The following FRA10AC1 variants were observed in gnomAD, a reference collection of about 807,000 sequenced individuals.
FRA10AC1 encodes the protein protein FRA10AC1.
Under a neutral mutation model 56.5 loss-of-function variants are expected in FRA10AC1, and 43 were observed. The observed-to-expected ratio is 0.76, with a 90% CI of 0.60 to 0.98. The LOEUF (loss-of-function observed/expected upper bound fraction) is 0.98. Among genes scored for constraint, FRA10AC1 ranks in the 50% least tolerant of loss-of-function variants. FRA10AC1 has a pLI of 0.00. For missense variants in FRA10AC1, 346 were observed against 351.8 expected (o/e 0.98, Z 0.13); for synonymous variants, 112 against 110.5 (o/e 1.01, Z -0.09).
At position 93,689,359 on chromosome 10, in the gene FRA10AC1, C is replaced by T. The variant is rs141169045; in HGVS notation, c.466-1910G>A. On this transcript the variant is annotated intron_variant, in intron 7 of 13. Coordinates refer to ENST00000359204, the MANE Select transcript of FRA10AC1 (RefSeq NM_145246.5). ...AAGGCTCAAAATATTTCAAAATACT[C>T]TGATTAAAACCCAACAAAAATAAAA... is the stretch of plus-strand genomic sequence containing the variant. Among the ~76,000 whole-genome samples, 150 of 152,138 alleles carry T rather than the reference C, an allele frequency of 9.9e-4. 1 individual carries two copies. Among genetic ancestry groups the T allele is most frequent in the African/African-American group, 3.4e-3 (143 of 41,524 alleles).
intron 12 of FRA10AC1, among the ~76,000 whole-genome samples, chr10:93,675,911 G>A (rs900462651): frequency 9.9e-5 from 15 of 152,112 alleles, no homozygotes; most frequent in African/African-American, 3.6e-4. Context: ...TGACACAAAT[G>A]GATGTACCCT....
At chr10:93,675,820 T>C (rs1190246225) in intron 12 of FRA10AC1, 1 of 161,666 alleles carries the variant, frequency 6.2e-6, no homozygotes, top group Non-Finnish European at 1.4e-5. Context: ...CTACACCTTA[T>C]TATTAGGCCT....
At chr10:93,689,253 C>T (rs1053908425) in intron 7 of FRA10AC1, among the ~76,000 whole-genome samples, 7 of 151,762 alleles carry the variant, frequency 4.6e-5, no homozygotes, top group Non-Finnish European at 8.8e-5. Flanking sequence ...AGCCACCGTG[C>T]CTGGCAATTT....
chr10:93,698,214 A>T, intron 3 of FRA10AC1, 33 bp from the exon 4 acceptor site: 1 of 1,524,002 alleles, frequency 6.6e-7, no homozygotes, highest in Non-Finnish European at 9.0e-7. Context: ...GAAAATTCAA[A>T]ATGTTTATAT....
chr10:93,687,363 T>C, intron 8 of FRA10AC1, 41 bp downstream of exon 8: 5 of 1,370,644 alleles, frequency 3.6e-6, no homozygotes, highest in Non-Finnish European at 4.9e-6. Flanking sequence ...CTTAACAAAA[T>C]AAGTTTATCC....
At chr10:93,674,418 T>A (rs2058811201) in intron 12 of FRA10AC1, 1 of 152,212 alleles carries the variant, frequency 6.6e-6, no homozygotes, top group Admixed American at 6.5e-5. Flanking sequence ...CAAGACCATG[T>A]AATACAGATG....
At chr10:93,697,924 AAT>A (rs2059259904) in intron 4 of FRA10AC1, among the ~76,000 whole-genome samples, 1 of 152,302 alleles carries the variant, frequency 6.6e-6, no homozygotes, top group South Asian at 2.1e-4. Flanking sequence ...GAGTACTAGT[AAT>A]ATGTTTTATT....
chr10:93,700,163 A>G (rs1030131954), intron 1 of FRA10AC1, 57 bp from the exon 2 acceptor site: 5 of 975,554 alleles, frequency 5.1e-6, no homozygotes, highest in Non-Finnish European at 7.9e-6. Context: ...TGTCCAGGAA[A>G]CAATAATTCA....
intron 11 of FRA10AC1, among the ~76,000 whole-genome samples, chr10:93,679,207 C>A (rs10882299): frequency 0.095 from 14,472 of 152,258 alleles, 800 homozygotes; most frequent in Middle Eastern, 0.13. Context: ...TGTCTCAATT[C>A]CACCTTGCTT....
chr10:93,693,547 T>C (rs184886921), intron 5 of FRA10AC1, among the ~76,000 whole-genome samples: 11,986 of 125,562 alleles, frequency 0.095, 1,323 homozygotes, highest in East Asian at 0.22. Flanking sequence ...TATATATATA[T>C]ACACACATAC....
intron 12 of FRA10AC1, chr10:93,674,396 G>T (rs1196629513): frequency 6.6e-6 from 1 of 152,154 alleles, no homozygotes; most frequent in Non-Finnish European, 1.5e-5. Context: ...AAAATGTGAG[G>T]TCTGAAATTG....
rs1436016389 is a variant in FRA10AC1, at chr10:93,670,848, C to T, written c.827G>A (p.Arg276Lys). The T allele has an allele frequency of 1.9e-6, 3 of 1,604,710 alleles. No individual in the cohort carries two copies. The highest frequency in any genetic ancestry group is 1.1e-5 in the South Asian group (1 of 90,828). The change falls in exon 13 of 14, where the codon AGA becomes AAA. Residue 276 changes from arginine (R) to lysine (K), a missense_variant and splice_region_variant. Coordinates refer to ENST00000359204, the MANE Select transcript of FRA10AC1 (RefSeq NM_145246.5). The stretch of plus-strand genomic sequence containing the variant: ...AGCACTTTCTTCCTCATCAGAGTTT[C>T]CTGTTCATTTAAAAAAGATGATTTT... Reference protein sequence around the residue: ...SSKKSEDSLLRNSDEEESASE... With the variant: ...SSKKSEDSLLKNSDEEESASE...
intron 9 of FRA10AC1, among the ~76,000 whole-genome samples, chr10:93,684,609 G>A (rs984197328): frequency 2.6e-5 from 4 of 151,146 alleles, no homozygotes; most frequent in Non-Finnish European, 4.4e-5. Flanking sequence ...TACGTAGCAT[G>A]TGGGGACATT....
intron 13 of FRA10AC1, among the ~76,000 whole-genome samples, chr10:93,670,206 A>AT (rs1464494242): frequency 6.6e-6 from 1 of 152,072 alleles, no homozygotes; most frequent in African/African-American, 2.4e-5. Context: ...CTCATTTTAA[A>AT]TTATAGTCTG....
intron 8 of FRA10AC1, 73 bp from the exon 9 acceptor site, chr10:93,685,432 T>A (rs750532062): frequency 5.0e-4 from 348 of 693,110 alleles, no homozygotes; most frequent in Non-Finnish European, 8.1e-4. Flanking sequence ...GTATTACCCC[T>A]AAAATGTACT....
rs185125663 is a variant in FRA10AC1 at position 93,687,570 on chromosome 10, T to C, written c.466-121A>G. The C allele has an allele frequency of 1.3e-4, 128 of 958,758 alleles. 1 individual carries two copies. The highest frequency in any genetic ancestry group is 1.7e-4 in the Non-Finnish European group (118 of 677,094). The allele number at this position is 958,758 out of a possible 1,614,324, so 59.4% of individuals were successfully genotyped here. On this transcript the variant is annotated intron_variant, in intron 7 of 13. Transcript: ENST00000359204. The stretch of plus-strand genomic sequence containing the variant: ...TAAATGTAATTCCCATCATGACAGA[T>C]TTTTCTCTTCTTATAGGATTTGAAG...
At chr10:93,684,182 CT>C (rs2058984974) in intron 9 of FRA10AC1, 84 bp from the exon 10 acceptor site, 3 of 964,072 alleles carry the variant, frequency 3.1e-6, no homozygotes, top group Non-Finnish European at 4.9e-6. Context: ...TTCGCACTTT[CT>C]TTATATTCCA....
At chr10:93,689,058 GGGT>G (rs1472384339) in intron 7 of FRA10AC1, among the ~76,000 whole-genome samples, 1 of 92,406 alleles carries the variant, frequency 1.1e-5, no homozygotes, top group Non-Finnish European at 2.1e-5. Flanking sequence ...GTTTGTTGTG[GGGT>G]TTTTTTTTTT....
At chr10:93,673,716 C>A in intron 12 of FRA10AC1, 1 of 423,870 alleles carries the variant, frequency 2.4e-6, no homozygotes. Context: ...ACAATGATAG[C>A]TACAGGTTAT....
Sources: allele counts gnomAD v4.1 joint callset (sites outside exome capture counted in the v4.1 genomes callset), GRCh38; gene constraint gnomAD v4.1.1; transcripts MANE v1.5; gene names NCBI Gene and HGNC (gene_info 2026-07-23, HGNC 2026-07-21).